Variants in HIBADH observed in about 807,000 individuals in gnomAD.
HIBADH encodes 3-hydroxyisobutyrate dehydrogenase, mitochondrial.
A neutral mutation model predicts 36.1 loss-of-function variants in HIBADH; 25 were observed. The ratio of observed to expected loss-of-function variants is 0.69; its 90% CI spans 0.50 to 0.97. The LOEUF (loss-of-function observed/expected upper bound fraction) is 0.97, where lower values mean the gene tolerates loss of function less well. HIBADH is among the 50% of genes least tolerant of loss of function. The pLI is 0.00. For synonymous variants in HIBADH, 160 were observed against 149.5 expected, an observed-to-expected ratio of 1.07 and a Z score of -0.51; for missense variants, 421 against 418.0, an observed-to-expected ratio of 1.01 and a Z score of -0.06.
intron 1 of HIBADH, among the ~76,000 whole-genome samples, chr7:27,658,872 C>T (rs770384262): frequency 6.6e-5 from 10 of 152,210 alleles, no homozygotes; most frequent in Non-Finnish European, 1.3e-4. Flanking sequence ...CTAAGGGTGA[C>T]GACTTTCTCT....
chr7:27,613,308 A>G (rs978273341), intron 4 of HIBADH, among the ~76,000 whole-genome samples: 3 of 146,828 alleles, frequency 2.0e-5, no homozygotes, highest in Non-Finnish European at 3.0e-5. Flanking sequence ...TTTGTTTTAT[A>G]TATATATATA....
At chr7:27,613,117 A>T (rs1420862237) in intron 4 of HIBADH, among the ~76,000 whole-genome samples, 1 of 117,126 alleles carries the variant, frequency 8.5e-6, no homozygotes, top group Non-Finnish European at 1.7e-5. Context: ...TATTCATATA[A>T]ATATATTTAT....
intron 6 of HIBADH, among the ~76,000 whole-genome samples, chr7:27,532,319 G>C (rs998794837): frequency 6.6e-6 from 1 of 152,086 alleles, no homozygotes; most frequent in Non-Finnish European, 1.5e-5. Flanking sequence ...TGTCATAAAA[G>C]CTTTCCACTT....
chr7:27,659,880 C>G (rs1786381997), intron 1 of HIBADH, among the ~76,000 whole-genome samples: 1 of 151,360 alleles, frequency 6.6e-6, no homozygotes, highest in South Asian at 2.1e-4. Context: ...AGGCAACTAG[C>G]CTTGTCTCAA....
intron 7 of HIBADH, among the ~76,000 whole-genome samples, chr7:27,530,120 G>C (rs1783969911): frequency 6.6e-6 from 1 of 152,102 alleles, no homozygotes; most frequent in Non-Finnish European, 1.5e-5. Context: ...CAAAAAATTT[G>C]TGTGACTTGT....
chr7:27,556,243 T>C (rs1784387052), intron 4 of HIBADH, among the ~76,000 whole-genome samples: 1 of 152,230 alleles, frequency 6.6e-6, no homozygotes, highest in South Asian at 2.1e-4. Flanking sequence ...TCTTTTTACA[T>C]AGTTCACTGG....
intron 4 of HIBADH, among the ~76,000 whole-genome samples, chr7:27,592,964 T>G (rs1784968686): frequency 6.6e-6 from 1 of 152,190 alleles, no homozygotes; most frequent in African/African-American, 2.4e-5. Flanking sequence ...ATGCTCTTCC[T>G]CTGTGCCTAG....
chr7:27,537,982 T>C (rs1784091285), intron 6 of HIBADH, among the ~76,000 whole-genome samples: 2 of 152,190 alleles, frequency 1.3e-5, no homozygotes, highest in African/African-American at 4.8e-5. Flanking sequence ...AACCATGTCT[T>C]ATACAAATTT....
chr7:27,629,918 T>C (rs1156491792), intron 3 of HIBADH, among the ~76,000 whole-genome samples: 3 of 151,292 alleles, frequency 2.0e-5, no homozygotes, highest in Non-Finnish European at 2.9e-5. Flanking sequence ...TAACAAGCCA[T>C]ACTGCAAATT....
chr7:27,661,072 T>C (rs886811208), intron 1 of HIBADH, among the ~76,000 whole-genome samples: 9 of 152,174 alleles, frequency 5.9e-5, no homozygotes, highest in Non-Finnish European at 1.2e-4. Context: ...TGTCTATTCT[T>C]TTAGGGTTAT....
intron 4 of HIBADH, among the ~76,000 whole-genome samples, chr7:27,595,592 G>C (rs1051155168): frequency 2.7e-5 from 4 of 147,688 alleles, no homozygotes; most frequent in Non-Finnish European, 4.5e-5. Flanking sequence ...GTGTGTGTGT[G>C]TGTGTGTGTG....
chr7:27,591,705 T>C (rs1449371081), intron 4 of HIBADH, among the ~76,000 whole-genome samples: 1 of 152,246 alleles, frequency 6.6e-6, no homozygotes, highest in South Asian at 2.1e-4. Flanking sequence ...AAGACAGTAT[T>C]TTCTAAAAGT....
chr7:27,618,354 G>A (rs961723), intron 4 of HIBADH, among the ~76,000 whole-genome samples: 120,848 of 152,208 alleles, frequency 0.79, 48,372 homozygotes, highest in East Asian at 0.97. Flanking sequence ...TGCTATAGAC[G>A]GCAGAAAAGC....
At chr7:27,623,978 T>C (rs1189640054) in intron 4 of HIBADH, among the ~76,000 whole-genome samples, 1 of 152,188 alleles carries the variant, frequency 6.6e-6, no homozygotes, top group East Asian at 1.9e-4. Context: ...TTTGTATTTT[T>C]AGTAGAGACA....
At chr7:27,528,390 C>G (rs138004870) in intron 7 of HIBADH, among the ~76,000 whole-genome samples, 48 of 152,120 alleles carry the variant, frequency 3.2e-4, no homozygotes, top group African/African-American at 1.0e-3. Context: ...GAAAGGCAGG[C>G]CCATTAAAAC....
intron 4 of HIBADH, among the ~76,000 whole-genome samples, chr7:27,552,198 ACTGTTT>A (rs1374006721): frequency 6.6e-6 from 1 of 152,186 alleles, no homozygotes; most frequent in Non-Finnish European, 1.5e-5. Flanking sequence ...GTAAGTGATC[ACTGTTT>A]CTGTTTCAGA....
intron 4 of HIBADH, among the ~76,000 whole-genome samples, chr7:27,624,395 T>C (rs905227180): frequency 2.6e-5 from 4 of 152,202 alleles, no homozygotes; most frequent in African/African-American, 7.2e-5. Flanking sequence ...ATAACACTTG[T>C]ACTAAATAAG....
At chr7:27,650,915 C>T (rs1230097448) in intron 1 of HIBADH, among the ~76,000 whole-genome samples, 1 of 152,106 alleles carries the variant, frequency 6.6e-6, no homozygotes, top group East Asian at 1.9e-4. Flanking sequence ...AATAAATATT[C>T]ACTGCATGAA....
At chr7:27,658,833 T>C (rs1223557732) in intron 1 of HIBADH, among the ~76,000 whole-genome samples, 2 of 152,226 alleles carry the variant, frequency 1.3e-5, no homozygotes, top group Non-Finnish European at 2.9e-5. Flanking sequence ...ATAAGCACTC[T>C]ATCTGCTTTA....
Sources: gnomAD v4.1 joint callset for allele counts (sites outside exome capture counted in the v4.1 genomes callset) on GRCh38, gnomAD v4.1.1 for gene constraint, MANE v1.5 for transcripts, NCBI Gene and HGNC (gene_info 2026-07-23, HGNC 2026-07-21) for gene names.